STAB2: variants seen among roughly 807,000 people sequenced by gnomAD.
The protein encoded by STAB2 is stabilin 2.
In STAB2, 288 loss-of-function variants were observed where a neutral mutation model predicts 338.1. The ratio of observed to expected loss-of-function variants is 0.85; its 90% CI spans 0.77 to 0.94. The LOEUF (loss-of-function observed/expected upper bound fraction) is 0.94, where lower values mean the gene tolerates loss of function less well. STAB2 is among the 40% of genes least tolerant of loss of function. STAB2 has a pLI of 0.00. For missense variants in STAB2, 3,141 were observed against 3,210.1 expected (o/e 0.98, Z 0.52); for synonymous variants, 1,202 against 1,193.3 (o/e 1.01, Z -0.15).
rs1441514015 is a variant in STAB2 at position 103,725,091 on chromosome 12, T to C, written c.4800T>C (p.Tyr1600=). 1 of 1,612,516 alleles carries C rather than the reference T, an allele frequency of 6.2e-7. No homozygotes were observed. Among genetic ancestry groups the C allele is most frequent in the Non-Finnish European group, 8.5e-7 (1 of 1,178,662 alleles). The change falls in exon 45 of 69, where the codon TAT becomes TAC. Residue 1600 remains tyrosine, a synonymous_variant. Coordinates refer to ENST00000388887, the MANE Select transcript of STAB2 (RefSeq NM_017564.10). The part of the protein sequence containing the change: ...GDGFTCRGSI[Y]QELPKNPKTS... ...GATTTACCTGCCGCGGCAGCATTTATCAGGTAACGCGAGACATGTTTCCAT... is the reference window on the plus strand; with the variant it reads ...GATTTACCTGCCGCGGCAGCATTTACCAGGTAACGCGAGACATGTTTCCAT...
chr12:103,652,386 T>G (rs758831405), intron 11 of STAB2, among the ~76,000 whole-genome samples, 170 bp from the exon 12 acceptor site: 1 of 152,236 alleles, frequency 6.6e-6, no homozygotes, highest in Non-Finnish European at 1.5e-5. Context: ...CTGATGGTAA[T>G]GTATAGCAAG....
At chr12:103,744,166 C>CA (rs1424749046) in intron 56 of STAB2, among the ~76,000 whole-genome samples, 36 of 150,858 alleles carry the variant, frequency 2.4e-4, no homozygotes, top group Non-Finnish European at 4.1e-4. Flanking sequence ...TTTTTTGAGA[C>CA]AAAATCTCAC....
chr12:103,708,540 AGAGT>A lies in STAB2; in HGVS notation c.4288+8_4288+11del. 1.2e-6 allele frequency: 2 copies of A among 1,613,778 alleles called. 1 individual carries two copies. The highest frequency in any genetic ancestry group is 3.3e-5 in the Admixed American group (2 of 60,022). ...CGAGGAGTGCATTGTGACAATGGTAAGAGTGAGGCCTCCAGTATTTATAATCTGC... is the reference window on the plus strand; with the variant it reads ...CGAGGAGTGCATTGTGACAATGGTAAGAGGCCTCCAGTATTTATAATCTGC... On this transcript the variant is annotated splice_donor_5th_base_variant and intron_variant, in intron 39 of 68. Transcript: ENST00000388887.
At chr12:103,608,169 C>T (rs908602984) in intron 3 of STAB2, among the ~76,000 whole-genome samples, 11 of 152,178 alleles carry the variant, frequency 7.2e-5, no homozygotes, top group African/African-American at 2.4e-4. Context: ...AGCAGAGCCT[C>T]GCTCTGTCGC....
At chr12:103,650,183 G>A (rs978464433) in intron 10 of STAB2, among the ~76,000 whole-genome samples, 3 of 151,874 alleles carry the variant, frequency 2.0e-5, no homozygotes, top group East Asian at 1.9e-4. Context: ...AAAGTTAAGC[G>A]CAGGATCAGG....
intron 63 of STAB2, among the ~76,000 whole-genome samples, chr12:103,756,318 GACA>G (rs1035543066): frequency 1.2e-4 from 19 of 152,276 alleles, no homozygotes; most frequent in African/African-American, 3.1e-4. Context: ...CAGTAATAAT[GACA>G]ACAACAGTAA....
intron 60 of STAB2, 52 bp downstream of exon 60, chr12:103,750,772 G>C: frequency 6.4e-7 from 1 of 1,560,374 alleles, no homozygotes; most frequent in Non-Finnish European, 8.7e-7. Flanking sequence ...TCAGGCCTGG[G>C]GAAGGGACCC....
At chr12:103,656,008 T>C (rs1874152318) in intron 15 of STAB2, among the ~76,000 whole-genome samples, 1 of 152,242 alleles carries the variant, frequency 6.6e-6, no homozygotes. Context: ...ATACGTGTTA[T>C]TTTTAGATGC....
intron 39 of STAB2, 64 bp downstream of exon 39, chr12:103,708,600 T>C: frequency 6.7e-7 from 1 of 1,488,196 alleles, no homozygotes; most frequent in Admixed American, 1.8e-5. Context: ...AGCTACATTT[T>C]TCTTTCTAAA....
chr12:103,656,957 A>G (rs1874236463), intron 15 of STAB2, among the ~76,000 whole-genome samples: 2 of 152,020 alleles, frequency 1.3e-5, no homozygotes. Flanking sequence ...AAGTGCTGGG[A>G]TTACAGGCGT....
At chr12:103,611,135 G>A (rs1332575038) in intron 3 of STAB2, among the ~76,000 whole-genome samples, 22 of 152,200 alleles carry the variant, frequency 1.4e-4, no homozygotes, top group East Asian at 3.9e-4. Context: ...GAATAAGTGC[G>A]GTGTGGTGCT....
intron 42 of STAB2, among the ~76,000 whole-genome samples, 199 bp downstream of exon 42, chr12:103,713,967 G>C (rs539434280): frequency 6.6e-6 from 1 of 152,244 alleles, no homozygotes; most frequent in African/African-American, 2.4e-5. Flanking sequence ...ACTTCGGAAG[G>C]GTAAAAGGAG....
At chr12:103,648,019 C>T (rs1430711053) in intron 9 of STAB2, among the ~76,000 whole-genome samples, 4 of 152,216 alleles carry the variant, frequency 2.6e-5, no homozygotes, top group African/African-American at 9.7e-5. Context: ...CAAATACACA[C>T]ATAGCCCTTA....
intron 61 of STAB2, 36 bp from the exon 62 acceptor site, chr12:103,755,266 T>C (rs746023314): frequency 6.2e-7 from 1 of 1,605,254 alleles, no homozygotes; most frequent in Non-Finnish European, 8.5e-7. Context: ...CACATGAACT[T>C]GCAGCTGACC....
At chr12:103,641,788 G>A (rs975144965) in intron 9 of STAB2, among the ~76,000 whole-genome samples, 5 of 152,142 alleles carry the variant, frequency 3.3e-5, no homozygotes, top group Admixed American at 6.5e-5. Context: ...TGTGATGTTA[G>A]GGGTACATGT....
chr12:103,710,198 T>C (rs1445237680), intron 39 of STAB2, among the ~76,000 whole-genome samples: 2 of 152,154 alleles, frequency 1.3e-5, no homozygotes, highest in Non-Finnish European at 2.9e-5. Context: ...TGGTTCTTCA[T>C]TGCCTACAGA....
At chr12:103,653,277 T>C (rs1169185788) in intron 12 of STAB2, among the ~76,000 whole-genome samples, 1 of 152,126 alleles carries the variant, frequency 6.6e-6, no homozygotes, top group Non-Finnish European at 1.5e-5. Context: ...GGACCTATAC[T>C]ATTACATTTT....
Position 103,593,615 on chromosome 12 carries a change from CTG to C in STAB2, c.216-777_216-776del, listed in dbSNP as rs1307162606. Among the ~76,000 whole-genome samples the C allele has an allele frequency of 2.6e-5, 4 of 152,210 alleles. No individual in the cohort carries two copies. In the East Asian group the frequency reaches 7.7e-4, roughly 29 times the overall value. On this transcript the variant is annotated intron_variant, in intron 2 of 68. Coordinates refer to ENST00000388887, the MANE Select transcript of STAB2 (RefSeq NM_017564.10). ...ACTTGACTGTTCGTAAAGTATGTGA[CTG>C]TGCTATTAATCAGCTGTATTTCAAG...
At chr12:103,657,593 G>A (rs1874289002) in intron 15 of STAB2, 1 of 152,120 alleles carries the variant, frequency 6.6e-6, no homozygotes, top group South Asian at 2.1e-4. Context: ...TAAGCCTTTG[G>A]TAAGAATACT....
Sources: allele counts gnomAD v4.1 joint callset (sites outside exome capture counted in the v4.1 genomes callset), GRCh38; gene constraint gnomAD v4.1.1; transcripts MANE v1.5; gene names NCBI Gene and HGNC (gene_info 2026-07-23, HGNC 2026-07-21).